The following ESRRG variants were observed in gnomAD, a reference collection of about 807,000 sequenced individuals.
ESRRG encodes the protein estrogen-related receptor gamma.
A neutral mutation model predicts 44.0 loss-of-function variants in ESRRG; 13 were observed. That is an observed-to-expected ratio of 0.30 (90% CI 0.19 to 0.47). ESRRG has a LOEUF of 0.47. Ranked by LOEUF, ESRRG falls within the 20% of genes least tolerant of loss-of-function variation. ESRRG has a pLI of 1.00. For missense variants in ESRRG, 395 were observed against 580.6 expected (o/e 0.68, Z 3.29); for synonymous variants, 215 against 214.6 (o/e 1.00, Z -0.02).
chr1:216,751,049 T>A (rs999107407), intron 2 of ESRRG, among the ~76,000 whole-genome samples: 1 of 152,196 alleles, frequency 6.6e-6, no homozygotes, highest in Admixed American at 6.5e-5. Context: ...CTTACCCATC[T>A]TTCTCATTGC....
intron 1 of ESRRG, among the ~76,000 whole-genome samples, chr1:217,045,732 G>A (rs1051316247): frequency 6.6e-6 from 1 of 152,066 alleles, no homozygotes; most frequent in African/African-American, 2.4e-5. Flanking sequence ...TTTGATCAGG[G>A]AATGTAATAC....
chr1:217,041,419 A>T (rs1244452961), intron 1 of ESRRG, among the ~76,000 whole-genome samples: 1 of 152,128 alleles, frequency 6.6e-6, no homozygotes, highest in East Asian at 1.9e-4. Context: ...CTATAAACAC[A>T]CTCACACACA....
chr1:216,738,587 GA>G (rs1219286142), intron 2 of ESRRG, among the ~76,000 whole-genome samples: 1 of 152,094 alleles, frequency 6.6e-6, no homozygotes, highest in African/African-American at 2.4e-5. Context: ...AATGAATGCA[GA>G]TTATTTATTT....
chr1:216,703,417 T>C (rs2081818465), intron 1 of ESRRG, among the ~76,000 whole-genome samples: 1 of 152,234 alleles, frequency 6.6e-6, no homozygotes, highest in Admixed American at 6.5e-5. Context: ...TGATAAAGGT[T>C]ACCTTTAATT....
chr1:216,536,675 G>A lies in ESRRG; in HGVS notation c.863-17254C>T, dbSNP rs74955337. On this transcript the variant is annotated intron_variant, in intron 5 of 6. Transcript: ENST00000408911. ...TTTACTTTTCTTTCTTCATTTTTTG[G>A]TAAGAATGATGATGATGACAATTAT... 7.0e-3 allele frequency among the ~76,000 whole-genome samples: 1,067 copies of A among 151,932 alleles called. 17 individuals are homozygous for A. The highest frequency in any genetic ancestry group is 0.025 in the African/African-American group (1,032 of 41,466).
intron 5 of ESRRG, among the ~76,000 whole-genome samples, chr1:216,528,479 C>A (rs1265848709): frequency 1.3e-5 from 2 of 152,200 alleles, no homozygotes; most frequent in Middle Eastern, 6.8e-3. Flanking sequence ...AATTTATCTA[C>A]CTATCCTAGT....
intron 2 of ESRRG, among the ~76,000 whole-genome samples, chr1:216,833,742 T>C (rs2095521427): frequency 6.6e-6 from 1 of 152,232 alleles, no homozygotes; most frequent in African/African-American, 2.4e-5. Context: ...CATATATCAC[T>C]GTTCATCTGA....
chr1:216,607,317 G>C (rs929181506), intron 3 of ESRRG, among the ~76,000 whole-genome samples: 1 of 152,180 alleles, frequency 6.6e-6, no homozygotes, highest in Non-Finnish European at 1.5e-5. Context: ...TGACCATCAT[G>C]ACCTCTCTGT....
intron 2 of ESRRG, among the ~76,000 whole-genome samples, chr1:216,846,384 G>T (rs1419351995): frequency 6.6e-6 from 1 of 152,024 alleles, no homozygotes; most frequent in Non-Finnish European, 1.5e-5. Flanking sequence ...TTGTCTAGAG[G>T]AGTTGGCAAA....
At chr1:216,605,956 A>G (rs1190648202) in intron 3 of ESRRG, among the ~76,000 whole-genome samples, 1 of 152,084 alleles carries the variant, frequency 6.6e-6, no homozygotes, top group Non-Finnish European at 1.5e-5. Flanking sequence ...TTTGTTTGCA[A>G]TACTTTGCTG....
At chr1:216,842,687 C>T (rs1240459282) in intron 2 of ESRRG, among the ~76,000 whole-genome samples, 1 of 152,156 alleles carries the variant, frequency 6.6e-6, no homozygotes, top group East Asian at 1.9e-4. Flanking sequence ...GATCAACCTG[C>T]CCATTTTACT....
intron 2 of ESRRG, among the ~76,000 whole-genome samples, chr1:216,831,881 T>C (rs540169477): frequency 6.6e-6 from 1 of 152,276 alleles, no homozygotes; most frequent in African/African-American, 2.4e-5. Context: ...CATGTAAATA[T>C]ATATACATTT....
chr1:217,087,465 C>T (rs544314919), intron 1 of ESRRG, among the ~76,000 whole-genome samples: 2 of 152,292 alleles, frequency 1.3e-5, no homozygotes, highest in African/African-American at 4.8e-5. Flanking sequence ...AAAAATTGTA[C>T]AGAATAAATT....
At position 216,523,490 on chromosome 1, in the gene ESRRG, GTT is replaced by G. The variant is rs749747909; in HGVS notation, c.863-4071_863-4070del. Among the ~76,000 whole-genome samples, 303 of 126,370 alleles carry G rather than the reference GTT, an allele frequency of 2.4e-3. 7 individuals are homozygous for G. The highest frequency in any genetic ancestry group is 0.022 in the Admixed American group (286 of 13,278). The allele number at this position is 126,370 out of a possible 152,430, so 82.9% of individuals were successfully genotyped here. A position where few individuals can be genotyped will look rare whatever the true frequency, so the allele number is the denominator to read the frequency against. ...GTGCCATGGGCACTCATCAAGCACT[GTT>G]TTTTTTTTTGTTTTTTTTTTTTTTT... On this transcript the variant is annotated intron_variant, in intron 5 of 6. Coordinates refer to ENST00000408911, the MANE Select transcript of ESRRG (RefSeq NM_001438.4).
intron 1 of ESRRG, among the ~76,000 whole-genome samples, chr1:217,017,101 G>A (rs2079505010): frequency 6.6e-6 from 1 of 152,128 alleles, no homozygotes; most frequent in African/African-American, 2.4e-5. Context: ...AGAATGCTCT[G>A]CTATGATATA....
intron 2 of ESRRG, among the ~76,000 whole-genome samples, chr1:216,765,185 G>A (rs909085238): frequency 1.3e-5 from 2 of 152,088 alleles, no homozygotes; most frequent in Non-Finnish European, 2.9e-5. Context: ...AGGGGCAGGT[G>A]GAAGATGTCT....
intron 2 of ESRRG, among the ~76,000 whole-genome samples, chr1:216,833,570 A>G (rs1444880486): frequency 6.6e-6 from 1 of 152,206 alleles, no homozygotes; most frequent in Non-Finnish European, 1.5e-5. Flanking sequence ...AAATTAGCCA[A>G]TTAGTACCAT....
intron 1 of ESRRG, among the ~76,000 whole-genome samples, chr1:216,701,218 C>T (rs1237338223): frequency 6.6e-6 from 1 of 152,154 alleles, no homozygotes; most frequent in Non-Finnish European, 1.5e-5. Flanking sequence ...CTAGACTTAA[C>T]ATCCTTTAAG....
chr1:216,986,266 A>G (rs954534393), intron 1 of ESRRG, among the ~76,000 whole-genome samples: 2 of 152,140 alleles, frequency 1.3e-5, no homozygotes, highest in African/African-American at 2.4e-5. Context: ...ATATACTTAA[A>G]TTATTGTTAG....
Sources: gnomAD v4.1 joint callset for allele counts (sites outside exome capture counted in the v4.1 genomes callset) on GRCh38, gnomAD v4.1.1 for gene constraint, MANE v1.5 for transcripts, NCBI Gene and HGNC (gene_info 2026-07-23, HGNC 2026-07-21) for gene names.